Variants in AFF3 observed in about 807,000 individuals in gnomAD.
The protein encoded by AFF3 is ALF transcription elongation factor 3, also known as AF4/FMR2 family member 3.
In AFF3, 32 loss-of-function variants were observed where a neutral mutation model predicts 129.7. The ratio of observed to expected loss-of-function variants is 0.25; its 90% CI spans 0.19 to 0.33. The LOEUF is 0.33. Ranked by LOEUF, AFF3 falls within the 10% of genes least tolerant of loss-of-function variation. The probability of loss-of-function intolerance (pLI) is 1.00; values close to 1 mark genes in which losing one functional copy is unlikely to be tolerated. For synonymous variants in AFF3, 644 were observed against 635.4 expected (o/e 1.01, Z -0.20); for missense variants, 1,373 against 1,592.0 (o/e 0.86, Z 2.34).
At chr2:100,036,666 G>T (rs909847119) in intron 4 of AFF3, among the ~76,000 whole-genome samples, 1 of 151,666 alleles carries the variant, frequency 6.6e-6, no homozygotes, top group African/African-American at 2.4e-5. Flanking sequence ...CTAGGAAAAA[G>T]ATATGTGACA....
chr2:99,630,012 C>G (rs1575549722), intron 13 of AFF3, among the ~76,000 whole-genome samples: 1 of 152,182 alleles, frequency 6.6e-6, no homozygotes, highest in African/African-American at 2.4e-5. Context: ...GTGACAAGTA[C>G]CATGTTTCAC....
intron 21 of AFF3, among the ~76,000 whole-genome samples, chr2:99,559,235 G>T (rs1237783320): frequency 1.3e-5 from 2 of 151,756 alleles, no homozygotes. Context: ...GGGTCACAGG[G>T]GCCGGCCGCT....
At chr2:99,651,354 G>A (rs1685233427) in intron 12 of AFF3, among the ~76,000 whole-genome samples, 2 of 152,106 alleles carry the variant, frequency 1.3e-5, no homozygotes, top group South Asian at 4.1e-4. Flanking sequence ...GACTGGGGAG[G>A]TCAGTAGACC....
chr2:99,883,764 A>T (rs910709882), intron 7 of AFF3, among the ~76,000 whole-genome samples: 1 of 152,242 alleles, frequency 6.6e-6, no homozygotes, highest in African/African-American at 2.4e-5. Context: ...GTCAGCAAGG[A>T]ACTAAAATTT....
Position 99,593,849 on chromosome 2 carries a change from C to T in AFF3, c.1812G>A (p.Arg604=), listed in dbSNP as rs1375466233. 1.9e-6 allele frequency: 3 copies of T among 1,592,924 alleles called. No homozygotes were observed. Among genetic ancestry groups the T allele is most frequent in the Non-Finnish European group, 8.5e-7 (1 of 1,171,920 alleles). ...TSAGDGANCH[R]PEEPAAADAL... is the part of the protein sequence containing the mutation. Reference sequence around the variant, plus strand: ...CGTCCGCGGCCGCGGGCTCCTCGGGCCGGTGGCAGTTGGCGCCGTCCCCGG... The same window carrying T: ...CGTCCGCGGCCGCGGGCTCCTCGGGTCGGTGGCAGTTGGCGCCGTCCCCGG... Residue 604 remains arginine (R), a synonymous_variant, in exon 15 of 25, where the codon CGG becomes CGA. Coordinates refer to ENST00000672756, the MANE Select transcript of AFF3 (RefSeq NM_001386135.1).
In AFF3 at chr2:99,619,465, T is replaced by C. The variant is rs1329784893; in HGVS notation, c.1185-17844A>G. ...AAATGTGTAAAATATTACTCAGGTG[T>C]TTCTGCAGGGAGTGCTGTTCATCCT... On this transcript the variant is annotated intron_variant, in intron 13 of 24. Transcript: ENST00000672756. 2.0e-5 allele frequency among the ~76,000 whole-genome samples: 3 copies of C among 152,296 alleles called. No individual in the cohort carries two copies. The East Asian group carries it at 5.8e-4, about 29-fold the overall frequency.
intron 1 of AFF3, among the ~76,000 whole-genome samples, chr2:100,137,621 G>C (rs946077110): frequency 2.6e-5 from 4 of 152,148 alleles, no homozygotes; most frequent in Non-Finnish European, 5.9e-5. Flanking sequence ...TGAACTGCCT[G>C]TACAGCCTAG....
chr2:99,818,809 G>A (rs918471075), intron 8 of AFF3, among the ~76,000 whole-genome samples: 4 of 152,142 alleles, frequency 2.6e-5, no homozygotes, highest in Non-Finnish European at 5.9e-5. Context: ...ACTAGAACAT[G>A]TATTATAAAA....
intron 12 of AFF3, among the ~76,000 whole-genome samples, chr2:99,669,708 A>C (rs1370886486): frequency 6.6e-6 from 1 of 152,170 alleles, no homozygotes; most frequent in Non-Finnish European, 1.5e-5. Context: ...AGTTGCTCAC[A>C]CCTGTAATCC....
chr2:99,572,964 G>A lies in AFF3; in HGVS notation c.2919-4049C>T, dbSNP rs557199730. Among the ~76,000 whole-genome samples, 20 of 152,256 alleles carry A rather than the reference G, an allele frequency of 1.3e-4. No homozygotes were observed. The South Asian group carries it at 3.3e-3, about 25-fold the overall frequency. ...AACCGGGCTTCTCCCAGGCACAAGC[G>A]GTCATTCACTGTTTCTTCAGGCCAC... On this transcript the variant is annotated intron_variant, in intron 18 of 24. Coordinates refer to ENST00000672756, the MANE Select transcript of AFF3 (RefSeq NM_001386135.1).
chr2:100,133,939 A>G (rs943043223), intron 1 of AFF3, among the ~76,000 whole-genome samples: 2 of 152,096 alleles, frequency 1.3e-5, no homozygotes, highest in African/African-American at 4.8e-5. Flanking sequence ...TCTCAAAAAA[A>G]TAAATAAAAT....
intron 14 of AFF3, among the ~76,000 whole-genome samples, chr2:99,596,105 C>CT (rs1427302883): frequency 6.6e-6 from 1 of 152,232 alleles, no homozygotes; most frequent in Non-Finnish European, 1.5e-5. Context: ...TGACATTTTT[C>CT]TTTGCTTGTT....
chr2:99,559,482 G>C (rs1200279082), intron 21 of AFF3, among the ~76,000 whole-genome samples: 2 of 152,160 alleles, frequency 1.3e-5, no homozygotes, highest in African/African-American at 2.4e-5. Flanking sequence ...AAAACACTAT[G>C]CTGGGAATAG....
chr2:99,650,983 GAC>G (rs1254666271), intron 12 of AFF3, among the ~76,000 whole-genome samples: 1 of 152,058 alleles, frequency 6.6e-6, no homozygotes, highest in Non-Finnish European at 1.5e-5. Context: ...AGACCAGCCT[GAC>G]CAACAGGGAG....
chr2:99,837,505 G>T lies in AFF3; in HGVS notation c.893C>A (p.Thr298Asn). The change falls in exon 8 of 25, where the codon ACC (threonine) becomes AAC (asparagine). Residue 298 changes from threonine (T) to asparagine (N), a missense_variant. Physicochemically the swap from Thr to Asn is moderately conservative, Grantham distance 65 (BLOSUM62 0). Around this residue, in one of 9 missense-constraint regions of AFF3, gnomAD observed 413 missense variants for 424.4 expected, o/e 0.97. Coordinates refer to ENST00000672756, the MANE Select transcript of AFF3 (RefSeq NM_001386135.1). ...GATTATTTCTTCAACACAGCTGTTG[G>T]TTTCTCCAGATCTACTCTCCTGAAA... ...KQGEESRSGE[T>N]NSCVEEIIRE... The T allele has an allele frequency of 6.2e-7, 1 of 1,613,676 alleles. No individual in the cohort carries two copies. Among genetic ancestry groups the T allele is most frequent in the Middle Eastern group, 1.6e-4 (1 of 6,062 alleles).
chr2:100,060,121 G>A (rs1433172781), intron 4 of AFF3, among the ~76,000 whole-genome samples: 1 of 151,938 alleles, frequency 6.6e-6, no homozygotes, highest in East Asian at 1.9e-4. Context: ...TTCAACCCCA[G>A]CCTCCGAGAA....
chr2:99,639,732 TTGGAGTGCAA>T (rs1684008254), intron 13 of AFF3, among the ~76,000 whole-genome samples: 1 of 151,588 alleles, frequency 6.6e-6, no homozygotes, highest in South Asian at 2.1e-4. Flanking sequence ...CTCACCCAGG[TTGGAGTGCAA>T]TGGAGTGCAA....
intron 11 of AFF3, among the ~76,000 whole-genome samples, chr2:99,690,065 T>C (rs1049258506): frequency 2.0e-5 from 3 of 149,304 alleles, no homozygotes; most frequent in Non-Finnish European, 1.5e-5. Flanking sequence ...CCAGCCTGGG[T>C]GACAGAGCGA....
At chr2:100,067,688 G>A (rs1445232083) in intron 4 of AFF3, among the ~76,000 whole-genome samples, 6 of 151,964 alleles carry the variant, frequency 3.9e-5, no homozygotes, top group Admixed American at 1.3e-4. Context: ...TAAGACTCTC[G>A]GTAGCCCATA....
Sources: allele counts gnomAD v4.1 joint callset (sites outside exome capture counted in the v4.1 genomes callset), GRCh38; gene constraint gnomAD v4.1.1; regional missense constraint gnomAD v4.1.1; transcripts MANE v1.5; gene names NCBI Gene and HGNC (gene_info 2026-07-23, HGNC 2026-07-21).